Variants in GPR39 observed in about 807,000 individuals in gnomAD.
The protein encoded by GPR39 is zinc sensing receptor.
GPR39 carries 23 observed loss-of-function variants against 18.4 expected under a neutral mutation model. The observed-to-expected ratio is 1.25, with a 90% CI of 0.90 to 1.77. The LOEUF (loss-of-function observed/expected upper bound fraction) is 1.77. Among genes scored for constraint, GPR39 ranks in the 40% most tolerant of loss-of-function variants. The pLI is 0.00. For missense variants in GPR39, 647 were observed against 602.4 expected, an observed-to-expected ratio of 1.07 and a Z score of -0.78; for synonymous variants, 280 against 257.9, an observed-to-expected ratio of 1.09 and a Z score of -0.82.
At chr2:132,487,300 G>A (rs796369979) in intron 1 of GPR39, among the ~76,000 whole-genome samples, 29 of 152,294 alleles carry the variant, frequency 1.9e-4, no homozygotes, top group African/African-American at 6.7e-4. Flanking sequence ...CTGGATTATA[G>A]TACAGTGAGA....
intron 1 of GPR39, among the ~76,000 whole-genome samples, chr2:132,644,118 C>G (rs1681932886): frequency 6.6e-6 from 1 of 152,218 alleles, no homozygotes. Flanking sequence ...GTCACTGTAA[C>G]TAAACTCTCA....
At chr2:132,506,744 G>T (rs1679141727) in intron 1 of GPR39, among the ~76,000 whole-genome samples, 1 of 152,154 alleles carries the variant, frequency 6.6e-6, no homozygotes, top group South Asian at 2.1e-4. Context: ...CCTCCCACCA[G>T]ATCCCTCCCA....
chr2:132,472,040 C>A (rs534917517), intron 1 of GPR39, among the ~76,000 whole-genome samples: 1 of 152,134 alleles, frequency 6.6e-6, no homozygotes, highest in African/African-American at 2.4e-5. Context: ...GAGGACTCAA[C>A]ATCAGTCTGT....
At chr2:132,635,480 A>G (rs1681735194) in intron 1 of GPR39, among the ~76,000 whole-genome samples, 2 of 152,156 alleles carry the variant, frequency 1.3e-5, no homozygotes, top group African/African-American at 4.8e-5. Flanking sequence ...ATTTAAGCAG[A>G]AACTTCTGGA....
At chr2:132,617,664 T>C (rs192345850) in intron 1 of GPR39, among the ~76,000 whole-genome samples, 1 of 152,348 alleles carries the variant, frequency 6.6e-6, no homozygotes, top group East Asian at 1.9e-4. Context: ...AGGAAATGTC[T>C]TCCCTAGTTG....
intron 1 of GPR39, among the ~76,000 whole-genome samples, chr2:132,426,374 C>T (rs1224902844): frequency 6.6e-6 from 1 of 152,200 alleles, no homozygotes; most frequent in Admixed American, 6.5e-5. Flanking sequence ...GAAAGGAAAA[C>T]AGTATTGAAT....
At chr2:132,565,718 A>G (rs1242380610) in intron 1 of GPR39, among the ~76,000 whole-genome samples, 3 of 145,164 alleles carry the variant, frequency 2.1e-5, no homozygotes, top group Non-Finnish European at 4.5e-5. Flanking sequence ...TGTCCCTACA[A>G]AGGACATGAA....
intron 1 of GPR39, among the ~76,000 whole-genome samples, chr2:132,515,791 GA>G (rs902584467): frequency 6.6e-6 from 1 of 152,122 alleles, no homozygotes; most frequent in African/African-American, 2.4e-5. Flanking sequence ...ATGTCACACA[GA>G]AGCCAAGAAG....
chr2:132,530,619 C>T (rs1679599179), intron 1 of GPR39, among the ~76,000 whole-genome samples: 1 of 152,162 alleles, frequency 6.6e-6, no homozygotes, highest in Admixed American at 6.5e-5. Flanking sequence ...TCGGGTTACC[C>T]ACAAAGGGAA....
At chr2:132,545,914 T>C (rs1679939879) in intron 1 of GPR39, among the ~76,000 whole-genome samples, 1 of 152,010 alleles carries the variant, frequency 6.6e-6, no homozygotes, top group African/African-American at 2.4e-5. Flanking sequence ...AGGACCCACA[T>C]AGGAGAGAGG....
chr2:132,509,981 G>A (rs1207567370), intron 1 of GPR39, among the ~76,000 whole-genome samples: 1 of 152,164 alleles, frequency 6.6e-6, no homozygotes, highest in African/African-American at 2.4e-5. Context: ...TGGCATAAAG[G>A]AGGGGAGGAG....
intron 1 of GPR39, among the ~76,000 whole-genome samples, chr2:132,567,891 A>C (rs1482669711): frequency 6.6e-6 from 1 of 151,974 alleles, no homozygotes; most frequent in African/African-American, 2.4e-5. Flanking sequence ...TCCCTACACA[A>C]GCGCTCTTCT....
chr2:132,515,751 G>A (rs1043888296), intron 1 of GPR39, among the ~76,000 whole-genome samples: 1 of 152,052 alleles, frequency 6.6e-6, no homozygotes, highest in Admixed American at 6.6e-5. Context: ...TCATACAACA[G>A]GTATCCTGCT....
At chr2:132,434,255 T>G (rs144905254) in intron 1 of GPR39, among the ~76,000 whole-genome samples, 13 of 152,316 alleles carry the variant, frequency 8.5e-5, no homozygotes, top group Admixed American at 3.9e-4. Context: ...TCAAATGCTG[T>G]TGGGTTTATA....
intron 1 of GPR39, among the ~76,000 whole-genome samples, chr2:132,483,405 A>G (rs115831822): frequency 7.1e-4 from 108 of 152,326 alleles, no homozygotes; most frequent in African/African-American, 2.6e-3. Flanking sequence ...GGTGCATGGC[A>G]CGAATGTTGG....
intron 1 of GPR39, among the ~76,000 whole-genome samples, chr2:132,530,918 A>G (rs886635723): frequency 9.1e-4 from 139 of 152,336 alleles, no homozygotes; most frequent in African/African-American, 3.0e-3. Context: ...TGTAAAGACC[A>G]TCAAGGCTAG....
chr2:132,565,657 T>A (rs1680338194), intron 1 of GPR39, among the ~76,000 whole-genome samples: 1 of 147,132 alleles, frequency 6.8e-6, no homozygotes, highest in Non-Finnish European at 1.5e-5. Context: ...GGTGTTTGAT[T>A]TTTTGTTCTT....
intron 1 of GPR39, among the ~76,000 whole-genome samples, chr2:132,637,508 A>C (rs1681783774): frequency 6.6e-6 from 1 of 152,238 alleles, no homozygotes. Context: ...TGGCATTTAC[A>C]TCATTTTGAA....
chr2:132,623,565 G>A (rs1681484013), intron 1 of GPR39, among the ~76,000 whole-genome samples: 2 of 152,190 alleles, frequency 1.3e-5, no homozygotes, highest in South Asian at 4.1e-4. Flanking sequence ...AAAAAGCGAA[G>A]GCAAAAATGA....
Sources: gnomAD v4.1 joint callset for allele counts (sites outside exome capture counted in the v4.1 genomes callset) on GRCh38, gnomAD v4.1.1 for gene constraint, MANE v1.5 for transcripts, NCBI Gene and HGNC (gene_info 2026-07-23, HGNC 2026-07-21) for gene names.